The following MYCBP2 variants were observed in gnomAD, a reference collection of about 807,000 sequenced individuals.
The protein encoded by MYCBP2 is MYC binding protein 2.
A neutral mutation model predicts 525.3 loss-of-function variants in MYCBP2; 120 were observed. The ratio of observed to expected loss-of-function variants is 0.23; its 90% CI spans 0.20 to 0.27. The LOEUF (loss-of-function observed/expected upper bound fraction) is 0.27, where lower values mean the gene tolerates loss of function less well. Among genes scored for constraint, MYCBP2 ranks in the 10% least tolerant of loss-of-function variants. The probability of loss-of-function intolerance (pLI) is 1.00; values close to 1 mark genes in which losing one functional copy is unlikely to be tolerated. For missense variants in MYCBP2, 4,149 were observed against 5,657.1 expected, an observed-to-expected ratio of 0.73 and a Z score of 8.55; for synonymous variants, 1,894 against 1,955.8, an observed-to-expected ratio of 0.97 and a Z score of 0.83.
At chr13:77,176,371 A>T (rs2059704719) in intron 36 of MYCBP2, 126 bp downstream of exon 36, 1 of 665,582 alleles carries the variant, frequency 1.5e-6, no homozygotes, top group Admixed American at 3.6e-5. Context: ...TAAATATTTA[A>T]GTACCATATA....
intron 26 of MYCBP2, among the ~76,000 whole-genome samples, chr13:77,198,865 A>G (rs1254871611): frequency 1.3e-5 from 2 of 152,216 alleles, no homozygotes; most frequent in African/African-American, 4.8e-5. Flanking sequence ...GTAGCCACAT[A>G]AAAAGGCACT....
At chr13:77,167,452 G>C (rs900851014) in intron 40 of MYCBP2, among the ~76,000 whole-genome samples, 2 of 152,036 alleles carry the variant, frequency 1.3e-5, no homozygotes, top group African/African-American at 4.8e-5. Context: ...ATAGGATCCA[G>C]TTTCTTCAAC....
At chr13:77,264,629 T>C (rs1440336140) in intron 8 of MYCBP2, among the ~76,000 whole-genome samples, 1 of 152,140 alleles carries the variant, frequency 6.6e-6, no homozygotes, top group Non-Finnish European at 1.5e-5. Context: ...GTCATGTATC[T>C]TGGCTAGAAT....
chr13:77,266,064 C>T (rs565406901), intron 8 of MYCBP2, among the ~76,000 whole-genome samples: 4 of 152,204 alleles, frequency 2.6e-5, no homozygotes, highest in Non-Finnish European at 5.9e-5. Context: ...AAGACATTAA[C>T]GAGTAATTTT....
Position 77,243,911 on chromosome 13 carries a change from A to C in MYCBP2, c.2422T>G (p.Cys808Gly). 6.2e-7 allele frequency: 1 copy of C among 1,608,368 alleles called. No individual in the cohort carries two copies. Among genetic ancestry groups the C allele is most frequent in the Non-Finnish European group, 8.5e-7 (1 of 1,177,870 alleles). Residue 808 changes from cysteine (C) to glycine (G), a missense_variant, in exon 16 of 83, where the codon TGT (cysteine) becomes GGT (glycine). Coordinates refer to ENST00000544440, the MANE Select transcript of MYCBP2 (RefSeq NM_015057.5). ...CGSGESGCAV[C>G]GCCKACAREL... ...CTTGCACAGGCCTTGCAACATCCACACACAGCACAACCAGATTCTCCGGAA... is the reference window on the plus strand; with the variant it reads ...CTTGCACAGGCCTTGCAACATCCACCCACAGCACAACCAGATTCTCCGGAA...
chr13:77,262,016 G>T, intron 11 of MYCBP2, 37 bp downstream of exon 11: 1 of 1,524,102 alleles, frequency 6.6e-7, no homozygotes, highest in South Asian at 1.1e-5. Context: ...TCTTAAATCA[G>T]AGAATGCTCA....
At chr13:77,065,917 A>G in intron 72 of MYCBP2, 75 bp downstream of exon 72, 1 of 987,030 alleles carries the variant, frequency 1.0e-6, no homozygotes, top group Non-Finnish European at 1.6e-6. Flanking sequence ...ATCTCCTATC[A>G]ATTCAGCAGA....
At chr13:77,151,000 G>A (rs368539114) in intron 46 of MYCBP2, 51 bp from the exon 47 acceptor site, 11 of 1,463,038 alleles carry the variant, frequency 7.5e-6, no homozygotes, top group Non-Finnish European at 1.0e-5. Flanking sequence ...AATTGTCACT[G>A]ACATCAAAAT....
At chr13:77,147,589 A>ATTTT (rs1210724583) in intron 47 of MYCBP2, among the ~76,000 whole-genome samples, 1 of 152,114 alleles carries the variant, frequency 6.6e-6, no homozygotes, top group African/African-American at 2.4e-5. Context: ...TTTTCATAAA[A>ATTTT]ATGAATTAGA....
chr13:77,214,246 G>A (rs2064463928), intron 21 of MYCBP2, among the ~76,000 whole-genome samples: 1 of 152,118 alleles, frequency 6.6e-6, no homozygotes, highest in African/African-American at 2.4e-5. Context: ...CAAAATACAG[G>A]AGAATTGTTA....
chr13:77,102,462 A>T (rs1168278248), intron 55 of MYCBP2, among the ~76,000 whole-genome samples: 1 of 151,554 alleles, frequency 6.6e-6, no homozygotes, highest in East Asian at 1.9e-4. Context: ...ATAAAATTTT[A>T]TTTAAATACA....
At chr13:77,266,192 G>T (rs1288006997) in intron 8 of MYCBP2, among the ~76,000 whole-genome samples, 1 of 152,116 alleles carries the variant, frequency 6.6e-6, no homozygotes, top group Non-Finnish European at 1.5e-5. Context: ...CTTGATATTA[G>T]TACCCATGTG....
At position 77,262,906 on chromosome 13, in the gene MYCBP2, A is replaced by G. The variant is rs1267574158; in HGVS notation, c.1570+745T>C. ...TAAAAATACTACATAATTAGAATAT[A>G]GAAAGTAAAGCACTAATGCCAAGTT... On this transcript the variant is annotated intron_variant, in intron 10 of 82. Transcript: ENST00000544440. 6.6e-5 allele frequency among the ~76,000 whole-genome samples: 10 copies of G among 152,132 alleles called. No homozygotes were observed. In the South Asian group the frequency reaches 1.7e-3, roughly 25 times the overall value.
At chr13:77,277,063 G>C (rs2154349857) in intron 4 of MYCBP2, among the ~76,000 whole-genome samples, 1 of 152,204 alleles carries the variant, frequency 6.6e-6, no homozygotes, top group South Asian at 2.1e-4. Context: ...AAGAAAGTAT[G>C]TACAGAATGG....
chr13:77,288,720 C>T (rs1464221181), intron 2 of MYCBP2, among the ~76,000 whole-genome samples: 2 of 152,182 alleles, frequency 1.3e-5, no homozygotes, highest in Non-Finnish European at 2.9e-5. Context: ...TCCTAAGAGA[C>T]TCTAGACACA....
At chr13:77,165,035 TTC>T (rs2058372514) in intron 42 of MYCBP2, among the ~76,000 whole-genome samples, 1 of 152,154 alleles carries the variant, frequency 6.6e-6, no homozygotes, top group African/African-American at 2.4e-5. Context: ...TAAAATTAAT[TTC>T]TTTTTATTTT....
intron 68 of MYCBP2, among the ~76,000 whole-genome samples, chr13:77,071,728 A>G (rs2041326010): frequency 6.6e-6 from 1 of 152,180 alleles, no homozygotes; most frequent in Non-Finnish European, 1.5e-5. Flanking sequence ...AACTTGAACT[A>G]ACTGATATTT....
chr13:77,232,820 C>T (rs2067312778), intron 18 of MYCBP2, among the ~76,000 whole-genome samples: 1 of 152,110 alleles, frequency 6.6e-6, no homozygotes, highest in Non-Finnish European at 1.5e-5. Flanking sequence ...GGCCAGATCA[C>T]AGTCATTAAA....
intron 58 of MYCBP2, among the ~76,000 whole-genome samples, chr13:77,093,815 T>C (rs2045811202): frequency 6.6e-6 from 1 of 152,154 alleles, no homozygotes; most frequent in Non-Finnish European, 1.5e-5. Flanking sequence ...GGTAGGAACA[T>C]ACATAAGATC....
Sources: gnomAD v4.1 joint callset for allele counts (sites outside exome capture counted in the v4.1 genomes callset) on GRCh38, gnomAD v4.1.1 for gene constraint, MANE v1.5 for transcripts, NCBI Gene and HGNC (gene_info 2026-07-23, HGNC 2026-07-21) for gene names.